The following BARD1 variants were observed in gnomAD, a reference collection of about 807,000 sequenced individuals.
BARD1 encodes BRCA1-associated RING domain protein 1.
Under a neutral mutation model 77.0 loss-of-function variants are expected in BARD1, and 73 were observed. That is an observed-to-expected ratio of 0.95 (90% CI 0.79 to 1.15). BARD1 has a LOEUF of 1.15. Among genes scored for constraint, BARD1 ranks in the 50% most tolerant of loss-of-function variants. The pLI is 0.00. For synonymous variants in BARD1, 384 were observed against 338.0 expected, an observed-to-expected ratio of 1.14 and a Z score of -1.49; for missense variants, 993 against 938.8, an observed-to-expected ratio of 1.06 and a Z score of -0.75.
At chr2:214,753,960 T>C (rs1167686930) in intron 6 of BARD1, among the ~76,000 whole-genome samples, 1 of 152,098 alleles carries the variant, frequency 6.6e-6, no homozygotes, top group Non-Finnish European at 1.5e-5. Context: ...ATACAGCGGA[T>C]TGCATTTCAG....
intron 4 of BARD1, among the ~76,000 whole-genome samples, chr2:214,772,668 T>C (rs1559415466): frequency 6.6e-6 from 1 of 152,168 alleles, no homozygotes; most frequent in African/African-American, 2.4e-5. Flanking sequence ...CTGAACTGTA[T>C]AGCTGATTAG....
chr2:214,777,362 A>C (rs1337798776), intron 4 of BARD1, among the ~76,000 whole-genome samples: 1 of 152,162 alleles, frequency 6.6e-6, no homozygotes, highest in Non-Finnish European at 1.5e-5. Flanking sequence ...CCAAGCTCAG[A>C]AATCAATCAG....
Position 214,803,302 on chromosome 2 carries a change from G to A in BARD1, c.158+6110C>T, listed in dbSNP as rs957405328. ...CTGACCGTCCCCCAGCCCGACACCC[G>A]TAAAGGGTCTGTGCTGAGGAGGATT... On this transcript the variant is annotated intron_variant, in intron 1 of 10. Coordinates refer to ENST00000260947, the MANE Select transcript of BARD1 (RefSeq NM_000465.4). Among the ~76,000 whole-genome samples the A allele has an allele frequency of 4.6e-5, 7 of 152,198 alleles. No homozygotes were observed. The East Asian group carries it at 5.8e-4, about 13-fold the overall frequency.
chr2:214,799,780 A>G (rs1019316358), intron 1 of BARD1, among the ~76,000 whole-genome samples: 2 of 152,164 alleles, frequency 1.3e-5, no homozygotes, highest in African/African-American at 2.4e-5. Flanking sequence ...TTGAACAGAT[A>G]AAAGTTCTTA....
At chr2:214,788,355 T>C (rs942533026) in intron 3 of BARD1, among the ~76,000 whole-genome samples, 8 of 152,048 alleles carry the variant, frequency 5.3e-5, no homozygotes, top group Non-Finnish European at 8.8e-5. Flanking sequence ...TATCCATAAA[T>C]GGTTGTCAGC....
chr2:214,749,164 T>C (rs1331641051), intron 7 of BARD1, among the ~76,000 whole-genome samples: 1 of 144,510 alleles, frequency 6.9e-6, no homozygotes, highest in Non-Finnish European at 1.5e-5. Flanking sequence ...AAGCTGGCCA[T>C]GGGAACATCT....
chr2:214,788,437 T>A (rs1034115945), intron 3 of BARD1, among the ~76,000 whole-genome samples: 1 of 152,058 alleles, frequency 6.6e-6, no homozygotes, highest in African/African-American at 2.4e-5. Flanking sequence ...GAAGCTCATT[T>A]TAGAAAGTAT....
At chr2:214,793,560 T>C (rs2106138365) in intron 2 of BARD1, among the ~76,000 whole-genome samples, 1 of 152,308 alleles carries the variant, frequency 6.6e-6, no homozygotes, top group East Asian at 1.9e-4. Flanking sequence ...ATTTGTGCAA[T>C]ACTTAATTAT....
At chr2:214,793,058 C>T (rs907924632) in intron 2 of BARD1, among the ~76,000 whole-genome samples, 6 of 151,432 alleles carry the variant, frequency 4.0e-5, no homozygotes, top group Admixed American at 1.3e-4. Context: ...GATTCACGAT[C>T]CCCCCCACAA....
intron 7 of BARD1, 53 bp downstream of exon 7, chr2:214,752,394 A>G: frequency 6.8e-7 from 1 of 1,481,320 alleles, no homozygotes; most frequent in Admixed American, 1.7e-5. Context: ...TGTTCCTTTC[A>G]TAACCAATTT....
rs1057476143 is a variant in BARD1, at chr2:214,730,281, C to T, written c.2001+130G>A. On this transcript the variant is annotated intron_variant, in intron 10 of 10. Transcript: ENST00000260947. Reference sequence around the variant, plus strand: ...CGTGATCATCTTTCAGAATCAAGTGCTTGAAATAAGCACAATTAAAATTTT... The same window carrying T: ...CGTGATCATCTTTCAGAATCAAGTGTTTGAAATAAGCACAATTAAAATTTT... The T allele has an allele frequency of 3.5e-5, 27 of 773,218 alleles. 1 individual carries two copies. Among genetic ancestry groups the T allele is most frequent in the Non-Finnish European group, 5.3e-5 (24 of 451,804 alleles). 47.9% of individuals were successfully genotyped at this position (773,218 alleles called of 1,614,324 possible). A position where few individuals can be genotyped will look rare whatever the true frequency, so the allele number is the denominator to read the frequency against.
At chr2:214,802,850 A>G (rs1388608022) in intron 1 of BARD1, among the ~76,000 whole-genome samples, 1 of 152,216 alleles carries the variant, frequency 6.6e-6, no homozygotes, top group African/African-American at 2.4e-5. Context: ...ATCTACAGTC[A>G]TACTTCTGTA....
intron 7 of BARD1, among the ~76,000 whole-genome samples, chr2:214,747,789 T>A (rs1693203120): frequency 1.3e-5 from 2 of 150,740 alleles, no homozygotes; most frequent in African/African-American, 4.9e-5. Flanking sequence ...CACACCAACA[T>A]GACACATGTA....
intron 7 of BARD1, among the ~76,000 whole-genome samples, chr2:214,747,112 T>C (rs1693159227): frequency 6.6e-6 from 1 of 151,544 alleles, no homozygotes; most frequent in Non-Finnish European, 1.5e-5. Flanking sequence ...AAAATGCTCA[T>C]CATCACTGGC....
At chr2:214,797,668 T>C (rs1695820424) in intron 1 of BARD1, among the ~76,000 whole-genome samples, 1 of 152,110 alleles carries the variant, frequency 6.6e-6, no homozygotes, top group Non-Finnish European at 1.5e-5. Flanking sequence ...AATCCAAGGT[T>C]TCCCAATTAA....
intron 3 of BARD1, among the ~76,000 whole-genome samples, chr2:214,788,638 C>A (rs1311392937): frequency 6.6e-6 from 1 of 151,896 alleles, no homozygotes; most frequent in Admixed American, 6.6e-5. Context: ...AGATGTTCAC[C>A]ATTCCACTTA....
At position 214,767,678 on chromosome 2, in the gene BARD1, A is replaced by AGTGAAAGAAGTGAT. The variant is rs1694280827; in HGVS notation, c.1396-38_1396-25dup. 1.9e-6 allele frequency: 3 copies of AGTGAAAGAAGTGAT among 1,605,052 alleles called. No homozygotes were observed. In the East Asian group the frequency reaches 6.7e-5, roughly 36 times the overall value. ...TGCTAATTAAATTTTTTGAAAAAGA[A>AGTGAAAGAAGTGAT]GTGAAAGAAGTGATAAGAAAGAGCA... On this transcript the variant is annotated intron_variant, in intron 5 of 10. Transcript: ENST00000260947.
intron 1 of BARD1, among the ~76,000 whole-genome samples, chr2:214,800,962 A>G (rs904249910): frequency 3.3e-5 from 5 of 152,148 alleles, no homozygotes; most frequent in Admixed American, 2.0e-4. Context: ...AGTTAATAAC[A>G]TCTAAAATGG....
intron 6 of BARD1, among the ~76,000 whole-genome samples, chr2:214,761,656 A>G (rs775903928): frequency 3.6e-4 from 54 of 152,106 alleles, no homozygotes; most frequent in Non-Finnish European, 7.4e-4. Context: ...CAAAAAAAGT[A>G]TAAGATCATC....
Sources: allele counts gnomAD v4.1 joint callset (sites outside exome capture counted in the v4.1 genomes callset), GRCh38; gene constraint gnomAD v4.1.1; transcripts MANE v1.5; gene names NCBI Gene and HGNC (gene_info 2026-07-23, HGNC 2026-07-21).